Variants in RBMS3 observed in about 807,000 individuals in gnomAD.
The protein encoded by RBMS3 is RNA binding motif single stranded interacting protein 3.
In RBMS3, 27 loss-of-function variants were observed where a neutral mutation model predicts 66.8. The ratio of observed to expected loss-of-function variants is 0.40; its 90% CI spans 0.30 to 0.56. The LOEUF is 0.56. Ranked by LOEUF, RBMS3 falls within the 20% of genes least tolerant of loss-of-function variation. The pLI, the probability that RBMS3 is intolerant of heterozygous loss-of-function variation, is 0.40. For synonymous variants in RBMS3, 188 were observed against 183.0 expected (o/e 1.03, Z -0.22); for missense variants, 513 against 549.5 (o/e 0.93, Z 0.66).
chr3:29,701,621 C>A (rs142132195), intron 4 of RBMS3, among the ~76,000 whole-genome samples: 1,980 of 152,212 alleles, frequency 0.013, 35 homozygotes, highest in African/African-American at 0.041. Context: ...TCGTTCACGG[C>A]CCTGTGTGAG....
rs114760083 is a variant in RBMS3 at position 29,358,324 on chromosome 3, T to C, written c.76-76419T>C. On this transcript the variant is annotated intron_variant, in intron 1 of 14. Coordinates refer to ENST00000383767, the MANE Select transcript of RBMS3 (RefSeq NM_001003793.3). ...GGAAATCCTTTACCCATTTCTTGAT[T>C]TTGTCAGGTTTGTTAAAGATCAGAT... Among the ~76,000 whole-genome samples, 1,439 of 152,324 alleles carry C rather than the reference T, an allele frequency of 9.4e-3. 29 individuals carry two copies. The highest frequency in any genetic ancestry group is 0.033 in the African/African-American group (1,361 of 41,556).
intron 6 of RBMS3, among the ~76,000 whole-genome samples, chr3:29,796,677 G>T (rs1043376574): frequency 1.3e-5 from 2 of 149,436 alleles, no homozygotes; most frequent in African/African-American, 5.0e-5. Flanking sequence ...TGACCCAGGT[G>T]CATAATCAAT....
At chr3:29,526,127 A>T (rs2045085612) in intron 3 of RBMS3, 1 of 152,176 alleles carries the variant, frequency 6.6e-6, no homozygotes, top group Admixed American at 6.5e-5. Context: ...ATCATCTGGG[A>T]GCTTGTTGAA....
chr3:30,003,816 C>T (rs1559882554), intron 14 of RBMS3, 40 bp from the exon 15 acceptor site: 1 of 1,369,368 alleles, frequency 7.3e-7, no homozygotes, highest in Non-Finnish European at 9.6e-7. Flanking sequence ...TTCAAAGTTA[C>T]TTTAATTTAA....
chr3:29,366,661 C>G (rs1418949714), intron 1 of RBMS3, among the ~76,000 whole-genome samples: 2 of 152,118 alleles, frequency 1.3e-5, no homozygotes, highest in African/African-American at 2.4e-5. Flanking sequence ...AGGCATGAGC[C>G]ACCACACCTG....
chr3:29,932,427 G>C (rs1008464831), intron 10 of RBMS3, among the ~76,000 whole-genome samples: 1 of 152,118 alleles, frequency 6.6e-6, no homozygotes, highest in African/African-American at 2.4e-5. Context: ...TTAAACTTTA[G>C]AGTATATCAG....
At chr3:29,800,441 T>G (rs1456437526) in intron 6 of RBMS3, among the ~76,000 whole-genome samples, 1 of 152,198 alleles carries the variant, frequency 6.6e-6, no homozygotes, top group Non-Finnish European at 1.5e-5. Context: ...CAGATAAAGT[T>G]TGAATGACAT....
intron 1 of RBMS3, among the ~76,000 whole-genome samples, chr3:29,309,970 A>G (rs902699300): frequency 1.3e-5 from 2 of 151,556 alleles, no homozygotes; most frequent in African/African-American, 4.8e-5. Flanking sequence ...TAATTAAGGG[A>G]ATGGGTTTGT....
chr3:29,894,642 A>C (rs955071315), intron 8 of RBMS3, among the ~76,000 whole-genome samples: 1 of 151,550 alleles, frequency 6.6e-6, no homozygotes, highest in Non-Finnish European at 1.5e-5. Context: ...TAGGGGTTAG[A>C]GCTTCAGCAG....
At chr3:29,553,396 C>G (rs1212608607) in intron 3 of RBMS3, among the ~76,000 whole-genome samples, 2 of 152,142 alleles carry the variant, frequency 1.3e-5, no homozygotes, top group Non-Finnish European at 1.5e-5. Context: ...CAATATCTCA[C>G]AATCCCTTGA....
intron 3 of RBMS3, among the ~76,000 whole-genome samples, chr3:29,488,898 G>C: frequency 6.6e-6 from 1 of 152,056 alleles, no homozygotes; most frequent in East Asian, 1.9e-4. Flanking sequence ...TAGCAACATT[G>C]GTTGACTATG....
chr3:29,886,329 C>G (rs892376940), intron 8 of RBMS3, among the ~76,000 whole-genome samples: 1 of 151,760 alleles, frequency 6.6e-6, no homozygotes, highest in African/African-American at 2.4e-5. Flanking sequence ...GTGTTAATAT[C>G]CCATTTACAG....
intron 12 of RBMS3, among the ~76,000 whole-genome samples, chr3:29,962,281 G>C (rs1298349565): frequency 6.6e-6 from 1 of 151,244 alleles, no homozygotes; most frequent in Non-Finnish European, 1.5e-5. Context: ...GGAAGTCCTA[G>C]AAAAAATGAA....
At chr3:29,473,392 C>T (rs2042817712) in intron 2 of RBMS3, among the ~76,000 whole-genome samples, 1 of 152,228 alleles carries the variant, frequency 6.6e-6, no homozygotes, top group Admixed American at 6.5e-5. Context: ...CTTAGCTAGA[C>T]ATAAAGGTTC....
At chr3:29,347,549 A>G (rs780683020) in intron 1 of RBMS3, among the ~76,000 whole-genome samples, 1 of 152,182 alleles carries the variant, frequency 6.6e-6, no homozygotes, top group South Asian at 2.1e-4. Context: ...GATGGGGGGA[A>G]AATGGTCTAT....
At chr3:29,758,321 G>A (rs1471803749) in intron 5 of RBMS3, among the ~76,000 whole-genome samples, 1 of 152,160 alleles carries the variant, frequency 6.6e-6, no homozygotes, top group Non-Finnish European at 1.5e-5. Flanking sequence ...TGAGACAACA[G>A]TTCTATTCCA....
intron 2 of RBMS3, among the ~76,000 whole-genome samples, chr3:29,482,099 C>T (rs978186534): frequency 6.6e-6 from 1 of 151,912 alleles, no homozygotes; most frequent in East Asian, 1.9e-4. Context: ...TATTAGTTGG[C>T]CAAATATTAA....
chr3:29,762,537 T>C (rs1028619462), intron 5 of RBMS3, among the ~76,000 whole-genome samples: 11 of 152,120 alleles, frequency 7.2e-5, no homozygotes, highest in Non-Finnish European at 1.5e-4. Context: ...GTGACCTTAT[T>C]GATATGAATG....
At chr3:29,745,253 T>C (rs1309357057) in intron 5 of RBMS3, among the ~76,000 whole-genome samples, 3 of 151,906 alleles carry the variant, frequency 2.0e-5, no homozygotes, top group African/African-American at 4.8e-5. Context: ...TGTGTGTTTT[T>C]TTTTACTCTC....
Sources: gnomAD v4.1 joint callset for allele counts (sites outside exome capture counted in the v4.1 genomes callset) on GRCh38, gnomAD v4.1.1 for gene constraint, MANE v1.5 for transcripts, NCBI Gene and HGNC (gene_info 2026-07-23, HGNC 2026-07-21) for gene names.